The following LONRF2 variants were observed in gnomAD, a reference collection of about 807,000 sequenced individuals.
LONRF2 encodes LON peptidase N-terminal domain and RING finger protein 2.
A neutral mutation model predicts 66.6 loss-of-function variants in LONRF2; 35 were observed. The observed-to-expected ratio is 0.53, with a 90% CI of 0.40 to 0.70. The LOEUF (loss-of-function observed/expected upper bound fraction) is 0.70, where lower values mean the gene tolerates loss of function less well. LONRF2 is among the 30% of genes least tolerant of loss of function. The pLI is 0.00. For synonymous variants in LONRF2, 417 were observed against 418.1 expected, an observed-to-expected ratio of 1.00 and a Z score of 0.03; for missense variants, 902 against 1,002.1, an observed-to-expected ratio of 0.90 and a Z score of 1.35.
rs1383837850 is a variant in LONRF2 at position 100,280,882 on chromosome 2, C to T, written c.*3416G>A. The T allele has an allele frequency of 6.6e-6, 1 of 152,204 alleles. No individual in the cohort carries two copies. Among genetic ancestry groups the T allele is most frequent in the Non-Finnish European group, 1.5e-5 (1 of 68,042 alleles). The allele number at this position is 152,204 out of a possible 1,614,324, so 9.4% of individuals were successfully genotyped here. ...GCTTTCAACTAAAAGAAATCACCCA[C>T]ATTTATTTTCTTCTAATTTGCTATC... is the stretch of plus-strand genomic sequence containing the variant. On this transcript the variant is annotated 3_prime_UTR_variant, in exon 12 of 12. Coordinates refer to ENST00000393437, the MANE Select transcript of LONRF2 (RefSeq NM_198461.4).
intron 7 of LONRF2, 90 bp from the exon 8 acceptor site, chr2:100,295,643 G>C: frequency 7.4e-7 from 1 of 1,352,220 alleles, no homozygotes; most frequent in South Asian, 1.3e-5. Flanking sequence ...GGAGGTGGTG[G>C]GTGGGATCTC....
chr2:100,297,937 T>C (rs1675105468), intron 7 of LONRF2, among the ~76,000 whole-genome samples: 1 of 152,204 alleles, frequency 6.6e-6, no homozygotes, highest in Non-Finnish European at 1.5e-5. Context: ...TAATATCTCA[T>C]CTTATCACAT....
intron 1 of LONRF2, among the ~76,000 whole-genome samples, chr2:100,312,115 G>A (rs11885543): frequency 0.028 from 4,208 of 152,218 alleles, 201 homozygotes; most frequent in African/African-American, 0.097. Context: ...ATTAGTCACT[G>A]AAAGCTGTAA....
intron 1 of LONRF2, 61 bp downstream of exon 1, chr2:100,321,354 C>A (rs1010298288): frequency 7.5e-7 from 1 of 1,330,850 alleles, no homozygotes; most frequent in East Asian, 3.1e-5. Context: ...GGCCAGCTCC[C>A]CACCCCGCTG....
chr2:100,290,841 A>G (rs1199478346), intron 9 of LONRF2, among the ~76,000 whole-genome samples: 2 of 152,176 alleles, frequency 1.3e-5, no homozygotes, highest in African/African-American at 4.8e-5. Flanking sequence ...GATTGTAACT[A>G]TCACCCTTAT....
intron 11 of LONRF2, among the ~76,000 whole-genome samples, chr2:100,285,682 T>C (rs768581416): frequency 2.0e-5 from 3 of 152,084 alleles, no homozygotes; most frequent in Non-Finnish European, 4.4e-5. Context: ...AGAAGCAACA[T>C]TGCTGGCTCT....
At chr2:100,307,202 G>C (rs1327719153) in intron 2 of LONRF2, among the ~76,000 whole-genome samples, 1 of 152,168 alleles carries the variant, frequency 6.6e-6, no homozygotes, top group East Asian at 1.9e-4. Context: ...TTACAGGCGT[G>C]AGCCACCGCG....
chr2:100,289,433 T>C (rs1004377091), intron 10 of LONRF2, among the ~76,000 whole-genome samples: 1 of 47,256 alleles, frequency 2.1e-5, no homozygotes. Flanking sequence ...ATAAGGTCTT[T>C]TTTTTTTTTT....
rs567065342 is a variant in LONRF2 at position 100,303,050 on chromosome 2, T to G, written c.799-7A>C. 6.3e-6 allele frequency: 10 copies of G among 1,586,502 alleles called. No homozygotes were observed. Among genetic ancestry groups the G allele is most frequent in the Non-Finnish European group, 8.6e-6 (10 of 1,167,422 alleles). On this transcript the variant is annotated splice_region_variant and splice_polypyrimidine_tract_variant and intron_variant, in intron 2 of 11. Coordinates refer to ENST00000393437, the MANE Select transcript of LONRF2 (RefSeq NM_198461.4). ...GAGCTTTTACTTGATGTCCCTAGAT[T>G]CACCGAAGACAAAGTGTACATTTTT... is the stretch of plus-strand genomic sequence containing the variant.
chr2:100,321,975 T>G lies in LONRF2; in HGVS notation c.119A>C (p.Glu40Ala). The G allele has an allele frequency of 2.7e-6, 4 of 1,468,160 alleles. No individual in the cohort carries two copies. The highest frequency in any genetic ancestry group is 3.6e-6 in the Non-Finnish European group (4 of 1,111,704). 90.9% of individuals were successfully genotyped at this position (1,468,160 alleles called of 1,614,324 possible). A position where few individuals can be genotyped will look rare whatever the true frequency, so the allele number is the denominator to read the frequency against. The stretch of plus-strand genomic sequence containing the variant: ...GGAGCGAAAGAGCTCGGCTGCCATC[T>G]CGTAGTCGCCCGCGCGGAAGGCCTC... ...GDEAFRAGDY[E>A]MAAELFRSML... Residue 40 changes from glutamate (E) to alanine (A), a missense_variant, in exon 1 of 12, where the codon GAG becomes GCG. This residue lies in a region of LONRF2 where 585 missense variants were observed against 569.9 expected (regional missense o/e 1.03). Transcript: ENST00000393437.
rs1675626630 is a variant in LONRF2, at chr2:100,321,542, G to A, written c.552C>T (p.Ser184=). The part of the protein sequence containing the change: ...PQVRRVNVVL[S]GLLEKCFPAE... ...CCGGGAAGCACTTCTCCAGCAGGCC[G>A]CTCAGCACCACGTTCACGCGCCGCA... The change falls in exon 1 of 12, where the codon AGC becomes AGT. Residue 184 remains serine (S), a synonymous_variant. Transcript: ENST00000393437. The A allele has an allele frequency of 1.9e-6, 3 of 1,549,798 alleles. No homozygotes were observed. The highest frequency in any genetic ancestry group is 1.4e-5 in the African/African-American group (1 of 70,472).
At chr2:100,289,749 A>T (rs1674920352) in intron 10 of LONRF2, among the ~76,000 whole-genome samples, 1 of 152,036 alleles carries the variant, frequency 6.6e-6, no homozygotes, top group Admixed American at 6.6e-5. Context: ...TCATTTTTTT[A>T]AAAGGAGATT....
rs750267713 is a variant in LONRF2, at chr2:100,290,315, G to A, written c.1863C>T (p.Ser621=). The change falls in exon 10 of 12, where the codon AGC becomes AGT. Residue 621 remains serine (S), a synonymous_variant. Transcript: ENST00000393437. ...TGTTATAGCCATCTCTGTGGCGGTG[G>A]CTTAGCACTCGGAACCGACTGATGC... ...AIGISRFRVL[S]HRHRDGYNTA... The A allele has an allele frequency of 1.2e-6, 2 of 1,614,118 alleles. No homozygotes were observed. Among genetic ancestry groups the A allele is most frequent in the South Asian group, 1.1e-5 (1 of 91,060 alleles).
In LONRF2 at chr2:100,322,396, C is replaced by T. The variant is rs962871389; in HGVS notation, c.-303G>A. 5.2e-5 allele frequency: 13 copies of T among 250,846 alleles called. No individual in the cohort carries two copies. The highest frequency in any genetic ancestry group is 9.0e-5 in the Non-Finnish European group (12 of 132,724). The allele number at this position is 250,846 out of a possible 1,614,324, so 15.5% of individuals were successfully genotyped here. The stretch of plus-strand genomic sequence containing the variant: ...GCCCACGCGCAGCGGCCTCTCAGTC[C>T]CGCCGGCTTAGGTAACCCAGGTCGC... On this transcript the variant is annotated 5_prime_UTR_variant, in exon 1 of 12. Coordinates refer to ENST00000393437, the MANE Select transcript of LONRF2 (RefSeq NM_198461.4).
At position 100,279,551 on chromosome 2, in the gene LONRF2, A is replaced by G. The variant is rs1477395345; in HGVS notation, c.*4747T>C. ...GTCAAAACAGCAGAGGACCAATTGT[A>G]TTAATCATGATTTCTATATTTTATG... is the stretch of plus-strand genomic sequence containing the variant. On this transcript the variant is annotated 3_prime_UTR_variant, in exon 12 of 12. Coordinates refer to ENST00000393437, the MANE Select transcript of LONRF2 (RefSeq NM_198461.4). 1 of 152,168 alleles carries G rather than the reference A, an allele frequency of 6.6e-6. No homozygotes were observed. Among genetic ancestry groups the G allele is most frequent in the African/African-American group, 2.4e-5 (1 of 41,446 alleles). The allele number at this position is 152,168 out of a possible 1,614,324, so 9.4% of individuals were successfully genotyped here.
At chr2:100,321,330 G>A in intron 1 of LONRF2, 85 bp downstream of exon 1, 1 of 1,194,856 alleles carries the variant, frequency 8.4e-7, no homozygotes, top group Non-Finnish European at 1.1e-6. Flanking sequence ...AAAGCCCAAA[G>A]CCTCGGGCCC....
Position 100,322,222 on chromosome 2 carries a change from G to C in LONRF2, c.-129C>G. 1 of 998,048 alleles carries C rather than the reference G, an allele frequency of 1.0e-6. No homozygotes were observed. The highest frequency in any genetic ancestry group is 1.3e-6 in the Non-Finnish European group (1 of 786,082). The allele number at this position is 998,048 out of a possible 1,614,324, so 61.8% of individuals were successfully genotyped here. A position where few individuals can be genotyped will look rare whatever the true frequency, so the allele number is the denominator to read the frequency against. On this transcript the variant is annotated 5_prime_UTR_variant, in exon 1 of 12. Transcript: ENST00000393437. The stretch of plus-strand genomic sequence containing the variant: ...CAGCAGCCACGCGCGTCTGGGGGCG[G>C]CGCGCTGCGAGCGGCTGAGACCGCG...
At chr2:100,306,697 C>G (rs548135957) in intron 2 of LONRF2, among the ~76,000 whole-genome samples, 2 of 152,168 alleles carry the variant, frequency 1.3e-5, no homozygotes, top group South Asian at 2.1e-4. Context: ...CCACCTCCCC[C>G]CAGAATCTAG....
chr2:100,293,059 T>C (rs1674994011), intron 9 of LONRF2, among the ~76,000 whole-genome samples: 2 of 152,222 alleles, frequency 1.3e-5, no homozygotes, highest in South Asian at 4.1e-4. Context: ...AATGTTCTCC[T>C]GTTTGTTCAG....
Sources: allele counts gnomAD v4.1 joint callset (sites outside exome capture counted in the v4.1 genomes callset), GRCh38; gene constraint gnomAD v4.1.1; regional missense constraint gnomAD v4.1.1; transcripts MANE v1.5; gene names NCBI Gene and HGNC (gene_info 2026-07-23, HGNC 2026-07-21).